Variants in SGMS1 observed in about 807,000 individuals in gnomAD.
SGMS1 encodes the protein sphingomyelin synthase 1.
SGMS1 carries 13 observed loss-of-function variants against 46.2 expected under a neutral mutation model. That is an observed-to-expected ratio of 0.28 (90% CI 0.18 to 0.45). The LOEUF is 0.45. Among genes scored for constraint, SGMS1 ranks in the 20% least tolerant of loss-of-function variants. The pLI is 1.00. For synonymous variants in SGMS1, 203 were observed against 187.8 expected (o/e 1.08, Z -0.66); for missense variants, 324 against 519.9 (o/e 0.62, Z 3.66).
intron 3 of SGMS1, 76 bp downstream of exon 3, chr10:50,519,755 C>G (rs1837841772): frequency 6.6e-6 from 1 of 152,338 alleles, no homozygotes; most frequent in African/African-American, 2.4e-5. Context: ...AATCTCAGAA[C>G]AAAGCAAGAG....
chr10:50,490,061 A>G (rs1008152890), intron 3 of SGMS1, among the ~76,000 whole-genome samples: 6 of 152,208 alleles, frequency 3.9e-5, no homozygotes, highest in Admixed American at 3.3e-4. Context: ...AAATGGCCCT[A>G]GTCTCAAGTT....
intron 6 of SGMS1, among the ~76,000 whole-genome samples, chr10:50,371,856 T>A (rs948591553): frequency 6.6e-6 from 1 of 152,044 alleles, no homozygotes; most frequent in African/African-American, 2.4e-5. Context: ...AAAGAGGGGG[T>A]GAGCTCATCC....
chr10:50,470,059 A>G (rs1427685485), intron 3 of SGMS1, among the ~76,000 whole-genome samples: 1 of 152,178 alleles, frequency 6.6e-6, no homozygotes, highest in Non-Finnish European at 1.5e-5. Context: ...ATCAACTGCC[A>G]TTGTCTGCTA....
intron 2 of SGMS1, among the ~76,000 whole-genome samples, chr10:50,520,447 T>C (rs1406972502): frequency 6.6e-6 from 1 of 152,202 alleles, no homozygotes; most frequent in East Asian, 1.9e-4. Context: ...CATTATTATT[T>C]ACAAAGAGCT....
chr10:50,589,647 A>G (rs1432843695), intron 2 of SGMS1, among the ~76,000 whole-genome samples: 1 of 149,320 alleles, frequency 6.7e-6, no homozygotes, highest in African/African-American at 2.5e-5. Context: ...TTTTTTTTGT[A>G]TTTTTTCTAG....
chr10:50,597,108 T>G (rs916885043), intron 1 of SGMS1, among the ~76,000 whole-genome samples: 2 of 152,176 alleles, frequency 1.3e-5, no homozygotes, highest in African/African-American at 4.8e-5. Flanking sequence ...TGAGCAACAA[T>G]GCTGATATAA....
At chr10:50,404,733 T>G (rs770198531) in intron 6 of SGMS1, among the ~76,000 whole-genome samples, 14 of 152,168 alleles carry the variant, frequency 9.2e-5, no homozygotes, top group Admixed American at 2.0e-4. Flanking sequence ...CAGCAAGATA[T>G]TTATACGAAA....
intron 6 of SGMS1, among the ~76,000 whole-genome samples, chr10:50,414,897 G>T (rs1849147980): frequency 6.6e-6 from 1 of 152,146 alleles, no homozygotes; most frequent in Non-Finnish European, 1.5e-5. Context: ...TTGGGTAAAA[G>T]ACCTAAACTC....
intron 2 of SGMS1, among the ~76,000 whole-genome samples, chr10:50,568,967 C>T (rs1838314106): frequency 6.6e-6 from 1 of 151,940 alleles, no homozygotes; most frequent in South Asian, 2.1e-4. Context: ...ACTATGCAGC[C>T]ATAAAAAAGG....
At chr10:50,406,381 T>C (rs1020988265) in intron 6 of SGMS1, among the ~76,000 whole-genome samples, 2 of 152,180 alleles carry the variant, frequency 1.3e-5, no homozygotes, top group African/African-American at 4.8e-5. Flanking sequence ...GTGCCTCCAG[T>C]AGATATCCGC....
At chr10:50,566,198 T>A (rs1033487917) in intron 2 of SGMS1, among the ~76,000 whole-genome samples, 5 of 152,156 alleles carry the variant, frequency 3.3e-5, no homozygotes, top group Admixed American at 3.3e-4. Flanking sequence ...TCAAAAGAAG[T>A]GAAGCCAGAG....
At chr10:50,462,082 C>T (rs873979) in intron 4 of SGMS1, among the ~76,000 whole-genome samples, 1,991 of 151,368 alleles carry the variant, frequency 0.013, 42 homozygotes, top group African/African-American at 0.046. Flanking sequence ...GGCAACAAAA[C>T]GAGACCTCAT....
chr10:50,313,081 T>C (rs1157623279), intron 8 of SGMS1, among the ~76,000 whole-genome samples: 5 of 152,202 alleles, frequency 3.3e-5, no homozygotes, highest in Non-Finnish European at 7.3e-5. Flanking sequence ...GGAAAGTAAT[T>C]CTAGGAAACG....
At chr10:50,420,904 A>C (rs1268784987) in intron 6 of SGMS1, among the ~76,000 whole-genome samples, 1 of 152,228 alleles carries the variant, frequency 6.6e-6, no homozygotes, top group Admixed American at 6.5e-5. Context: ...GATCCAGCCA[A>C]GCTTAACATT....
intron 3 of SGMS1, among the ~76,000 whole-genome samples, chr10:50,478,965 G>T (rs1174363898): frequency 6.6e-6 from 1 of 151,556 alleles, no homozygotes; most frequent in Admixed American, 6.6e-5. Flanking sequence ...CTCCCATTCA[G>T]TTTCCAACCT....
In SGMS1 at chr10:50,306,130, T is replaced by C. The variant is rs14327; in HGVS notation, c.*1012A>G. On this transcript the variant is annotated 3_prime_UTR_variant, in exon 11 of 11. Coordinates refer to ENST00000361781, the MANE Select transcript of SGMS1 (RefSeq NM_147156.4). Reference sequence around the variant, plus strand: ...GCTGTTTTCATTGAGTAGTTAAAATTGAACTACCAAATCGACGATAAAATA... The same window carrying C: ...GCTGTTTTCATTGAGTAGTTAAAATCGAACTACCAAATCGACGATAAAATA... 0.64 allele frequency: 97,777 copies of C among 152,480 alleles called. 32,793 individuals carry two copies. The highest frequency in any genetic ancestry group is 0.83 in the African/African-American group (34,599 of 41,488). The allele number at this position is 152,480 out of a possible 1,614,324, so 9.4% of individuals were successfully genotyped here.
intron 6 of SGMS1, among the ~76,000 whole-genome samples, chr10:50,395,799 A>G (rs959709598): frequency 2.0e-5 from 3 of 152,208 alleles, no homozygotes; most frequent in Admixed American, 6.5e-5. Context: ...TTAAAGAAAT[A>G]AAGACTGGAC....
At chr10:50,505,706 C>T (rs1023074932) in intron 3 of SGMS1, among the ~76,000 whole-genome samples, 1 of 152,116 alleles carries the variant, frequency 6.6e-6, no homozygotes, top group Non-Finnish European at 1.5e-5. Flanking sequence ...CATATGCAGC[C>T]AACAGCTCAT....
chr10:50,379,433 T>C (rs1848569326), intron 6 of SGMS1, among the ~76,000 whole-genome samples: 1 of 96,172 alleles, frequency 1.0e-5, no homozygotes, highest in African/African-American at 5.2e-5. Flanking sequence ...TGTGGGCATA[T>C]ACATTTATAT....
Sources: allele counts gnomAD v4.1 joint callset (sites outside exome capture counted in the v4.1 genomes callset), GRCh38; gene constraint gnomAD v4.1.1; transcripts MANE v1.5; gene names NCBI Gene and HGNC (gene_info 2026-07-23, HGNC 2026-07-21).